The following COMMD1 variants were observed in gnomAD, a reference collection of about 807,000 sequenced individuals.
COMMD1 encodes COMM domain-containing protein 1.
COMMD1 carries 10 observed loss-of-function variants against 17.2 expected under a neutral mutation model. That is an observed-to-expected ratio of 0.58 (90% CI 0.36 to 0.99). The LOEUF is 0.99. Among genes scored for constraint, COMMD1 ranks in the 50% least tolerant of loss-of-function variants. COMMD1 has a pLI of 0.01. For missense variants in COMMD1, 270 were observed against 231.8 expected, an observed-to-expected ratio of 1.17 and a Z score of -1.07; for synonymous variants, 97 against 91.6, an observed-to-expected ratio of 1.06 and a Z score of -0.34.
chr2:61,984,078 C>T (rs916997870), intron 1 of COMMD1, among the ~76,000 whole-genome samples: 5 of 152,194 alleles, frequency 3.3e-5, no homozygotes, highest in African/African-American at 1.2e-4. Context: ...GGCTGGAGTA[C>T]AGCGGCATGA....
chr2:61,994,525 C>T (rs529765021), intron 1 of COMMD1, among the ~76,000 whole-genome samples: 3 of 152,014 alleles, frequency 2.0e-5, no homozygotes, highest in African/African-American at 4.8e-5. Flanking sequence ...CCTTTACATT[C>T]TTCTGTTCCC....
rs759018512 is a variant in COMMD1, at chr2:62,135,780, G to A, written c.463-51G>A. On this transcript the variant is annotated intron_variant, in intron 2 of 2. Transcript: ENST00000311832. ...ATTTTGAGTTTGGTCATGCCAGATG[G>A]CCTTGGCTATCTTGTGGTTTCCCTC... 4 of 913,912 alleles carry A rather than the reference G, an allele frequency of 4.4e-6. No individual in the cohort carries two copies. The Admixed American group carries it at 5.1e-5, about 12-fold the overall frequency. The allele number at this position is 913,912 out of a possible 1,614,324, so 56.6% of individuals were successfully genotyped here.
chr2:62,030,418 T>G (rs922093932), intron 2 of COMMD1, among the ~76,000 whole-genome samples: 2 of 152,040 alleles, frequency 1.3e-5, no homozygotes, highest in Non-Finnish European at 2.9e-5. Context: ...AGCCTACAGT[T>G]TGGGGATTGT....
At chr2:61,980,641 G>A (rs867322947) in intron 1 of COMMD1, among the ~76,000 whole-genome samples, 6 of 144,416 alleles carry the variant, frequency 4.2e-5, no homozygotes, top group African/African-American at 1.6e-4. Context: ...TGTAGATTCT[G>A]GATATTAGCC....
intron 2 of COMMD1, among the ~76,000 whole-genome samples, chr2:62,035,473 G>A (rs1335898248): frequency 6.6e-6 from 1 of 152,150 alleles, no homozygotes; most frequent in Non-Finnish European, 1.5e-5. Flanking sequence ...AGACGTGGTG[G>A]CTCATGCCTA....
At position 61,990,899 on chromosome 2, in the gene COMMD1, T is replaced by TACAC. The variant is rs1229251159; in HGVS notation, c.181-9801_181-9800insCACA. Among the ~76,000 whole-genome samples, 39 of 69,284 alleles carry TACAC rather than the reference T, an allele frequency of 5.6e-4. No individual in the cohort carries two copies. The South Asian group carries it at 0.019, about 33-fold the overall frequency. 45.5% of individuals were successfully genotyped at this position (69,284 alleles called of 152,430 possible). On this transcript the variant is annotated intron_variant, in intron 1 of 2. Transcript: ENST00000311832. ...TTACAAAAAAAAAAAAAAATATATA[T>TACAC]ATATACACACACACACACACACACA...
At chr2:62,114,431 A>T (rs183242517) in intron 2 of COMMD1, among the ~76,000 whole-genome samples, 1 of 152,364 alleles carries the variant, frequency 6.6e-6, no homozygotes. Context: ...GAAATGAAGT[A>T]TGAATGGCAT....
At chr2:62,054,752 G>T (rs140367588) in intron 2 of COMMD1, among the ~76,000 whole-genome samples, 2 of 152,288 alleles carry the variant, frequency 1.3e-5, no homozygotes, top group East Asian at 3.9e-4. Flanking sequence ...AAATTGGTTA[G>T]TGGGTACAAT....
upstream of COMMD1, among the ~76,000 whole-genome samples, chr2:61,904,697 T>A (rs970702131): frequency 6.6e-6 from 1 of 152,242 alleles, no homozygotes; most frequent in African/African-American, 2.4e-5. Context: ...ATTTTTCAAT[T>A]GAGATATTCA....
At chr2:61,942,784 C>T (rs1670787789) in intron 1 of COMMD1, among the ~76,000 whole-genome samples, 1 of 145,830 alleles carries the variant, frequency 6.9e-6, no homozygotes, top group African/African-American at 2.5e-5. Flanking sequence ...GTGATCTGCC[C>T]GCCTCAGCCT....
intron 2 of COMMD1, among the ~76,000 whole-genome samples, chr2:62,052,179 G>A (rs192253594): frequency 3.9e-5 from 6 of 152,120 alleles, no homozygotes; most frequent in African/African-American, 2.4e-5. Context: ...GGCCCAGCAC[G>A]GTGGCTCATG....
At chr2:62,062,955 A>G (rs948261761) in intron 2 of COMMD1, among the ~76,000 whole-genome samples, 1 of 151,994 alleles carries the variant, frequency 6.6e-6, no homozygotes, top group Non-Finnish European at 1.5e-5. Context: ...ATGGTGGCTC[A>G]TGCCTGTAAT....
intron 2 of COMMD1, among the ~76,000 whole-genome samples, chr2:62,125,114 T>C (rs970997590): frequency 1.3e-5 from 2 of 152,236 alleles, no homozygotes; most frequent in African/African-American, 4.8e-5. Flanking sequence ...TCACTAATTG[T>C]CCAGTGATGA....
intron 2 of COMMD1, among the ~76,000 whole-genome samples, chr2:62,076,151 C>G (rs1171906859): frequency 3.3e-5 from 5 of 152,244 alleles, no homozygotes; most frequent in Admixed American, 2.6e-4. Flanking sequence ...ATCCTTTCAT[C>G]CCTTAACAGA....
chr2:62,046,635 G>C (rs1402717246), intron 2 of COMMD1, among the ~76,000 whole-genome samples: 1 of 152,214 alleles, frequency 6.6e-6, no homozygotes, highest in Admixed American at 6.5e-5. Context: ...CTACTATATT[G>C]TCTTGATCTT....
At chr2:61,907,822 C>G (rs966869836) in intron 1 of COMMD1, among the ~76,000 whole-genome samples, 30 of 152,160 alleles carry the variant, frequency 2.0e-4, no homozygotes, top group African/African-American at 7.2e-4. Flanking sequence ...TCCTGTGTAG[C>G]TGAGATTACA....
chr2:62,080,144 G>C (rs903216255), intron 2 of COMMD1, among the ~76,000 whole-genome samples: 6 of 152,070 alleles, frequency 3.9e-5, no homozygotes, highest in African/African-American at 1.4e-4. Context: ...TGTCCACAAA[G>C]AAAACCAGAA....
chr2:61,950,236 G>C (rs1316936773), intron 1 of COMMD1, among the ~76,000 whole-genome samples: 1 of 152,134 alleles, frequency 6.6e-6, no homozygotes, highest in Non-Finnish European at 1.5e-5. Context: ...TGGGATTTCA[G>C]TTGCAGTTTC....
At chr2:61,925,667 C>G (rs1670312292) in intron 1 of COMMD1, among the ~76,000 whole-genome samples, 1 of 152,166 alleles carries the variant, frequency 6.6e-6, no homozygotes, top group African/African-American at 2.4e-5. Context: ...TGGGCAGCAC[C>G]AAGAAGCTTT....
Sources: allele counts gnomAD v4.1 joint callset (sites outside exome capture counted in the v4.1 genomes callset), GRCh38; gene constraint gnomAD v4.1.1; transcripts MANE v1.5; gene names NCBI Gene and HGNC (gene_info 2026-07-23, HGNC 2026-07-21).